PPP3R1: variants seen among roughly 807,000 people sequenced by gnomAD.
PPP3R1 encodes calcineurin subunit B type 1.
A neutral mutation model predicts 22.6 loss-of-function variants in PPP3R1; 5 were observed. The ratio of observed to expected loss-of-function variants is 0.22; its 90% CI spans 0.12 to 0.46. The LOEUF (loss-of-function observed/expected upper bound fraction) is 0.46. Ranked by LOEUF, PPP3R1 falls within the 20% of genes least tolerant of loss-of-function variation. PPP3R1 has a pLI of 0.99. For missense variants in PPP3R1, 61 were observed against 203.2 expected (o/e 0.30, Z 4.25); for synonymous variants, 56 against 65.2 (o/e 0.86, Z 0.68).
intron 2 of PPP3R1, among the ~76,000 whole-genome samples, chr2:68,190,561 C>T (rs959491855): frequency 4.6e-5 from 7 of 151,894 alleles, no homozygotes; most frequent in African/African-American, 7.3e-5. Context: ...AGGGAAACTC[C>T]GTCTCAAAAA....
intron 2 of PPP3R1, among the ~76,000 whole-genome samples, chr2:68,205,591 C>T (rs998255812): frequency 6.6e-6 from 1 of 152,100 alleles, no homozygotes; most frequent in Non-Finnish European, 1.5e-5. Flanking sequence ...AACATTATCA[C>T]ACCTAAAAAT....
chr2:68,187,124 T>C (rs1004970721), intron 4 of PPP3R1, 131 bp downstream of exon 4: 1 of 692,396 alleles, frequency 1.4e-6, no homozygotes, highest in Non-Finnish European at 2.3e-6. Flanking sequence ...TTCACCAGAA[T>C]GTAAAATTTC....
intron 2 of PPP3R1, among the ~76,000 whole-genome samples, chr2:68,215,366 A>G (rs1669560237): frequency 6.6e-6 from 1 of 152,184 alleles, no homozygotes. Flanking sequence ...TGGTCTCAAG[A>G]TTTTTGGATA....
intron 1 of PPP3R1, among the ~76,000 whole-genome samples, chr2:68,219,617 T>C (rs546801753): frequency 7.2e-5 from 11 of 152,222 alleles, no homozygotes; most frequent in Admixed American, 5.2e-4. Flanking sequence ...CTGGAAAAAA[T>C]AGCATTTCTG....
At chr2:68,235,510 T>G (rs1572975407) in intron 1 of PPP3R1, among the ~76,000 whole-genome samples, 1 of 152,182 alleles carries the variant, frequency 6.6e-6, no homozygotes, top group African/African-American at 2.4e-5. Context: ...ATTTTCAAGG[T>G]TAATCTAATG....
At chr2:68,229,963 T>TAC (rs1381204435) in intron 1 of PPP3R1, among the ~76,000 whole-genome samples, 66 of 68,284 alleles carry the variant, frequency 9.7e-4, no homozygotes, top group Non-Finnish European at 1.4e-3. Flanking sequence ...TGTGTGTATA[T>TAC]ATACACACAT....
intron 1 of PPP3R1, among the ~76,000 whole-genome samples, chr2:68,238,437 G>A (rs1670056949): frequency 6.6e-6 from 1 of 152,068 alleles, no homozygotes; most frequent in Non-Finnish European, 1.5e-5. Flanking sequence ...AGAGTACAAA[G>A]GCATCAATAA....
Position 68,180,831 on chromosome 2 carries a change from T to G in PPP3R1, c.*132A>C. On this transcript the variant is annotated 3_prime_UTR_variant, in exon 6 of 6. Coordinates refer to ENST00000234310, the MANE Select transcript of PPP3R1 (RefSeq NM_000945.4). Reference sequence around the variant, plus strand: ...CACTTAGTTGGCTTCATGAGGCTCATGTTGGAAAATGTGGCTTCACAGAGA... The same window carrying G: ...CACTTAGTTGGCTTCATGAGGCTCAGGTTGGAAAATGTGGCTTCACAGAGA... The G allele has an allele frequency of 1.1e-6, 1 of 870,408 alleles. No individual in the cohort carries two copies. Among genetic ancestry groups the G allele is most frequent in the Non-Finnish European group, 1.8e-6 (1 of 554,120 alleles). The allele number at this position is 870,408 out of a possible 1,614,324, so 53.9% of individuals were successfully genotyped here.
At chr2:68,203,203 T>C (rs1217377983) in intron 2 of PPP3R1, among the ~76,000 whole-genome samples, 1 of 152,108 alleles carries the variant, frequency 6.6e-6, no homozygotes, top group Non-Finnish European at 1.5e-5. Flanking sequence ...TGGTAAACTG[T>C]CTAAGAAACA....
intron 1 of PPP3R1, among the ~76,000 whole-genome samples, chr2:68,250,611 T>C (rs1239735152): frequency 6.6e-6 from 1 of 152,262 alleles, no homozygotes; most frequent in African/African-American, 2.4e-5. Flanking sequence ...AAAAAGATTA[T>C]ATGATGAATG....
chr2:68,187,237 G>T lies in PPP3R1; in HGVS notation c.280+18C>A. On this transcript the variant is annotated intron_variant, in intron 4 of 5. Coordinates refer to ENST00000234310, the MANE Select transcript of PPP3R1 (RefSeq NM_000945.4). ...ATGGTAGTATAAGAGAATGAAGTCA[G>T]TGAAGAAAAATACTTACACCTCAAT... The T allele has an allele frequency of 6.3e-7, 1 of 1,580,916 alleles. No individual in the cohort carries two copies. The highest frequency in any genetic ancestry group is 8.7e-7 in the Non-Finnish European group (1 of 1,153,882).
chr2:68,243,852 T>A (rs1181571937), intron 1 of PPP3R1, among the ~76,000 whole-genome samples: 1 of 151,874 alleles, frequency 6.6e-6, no homozygotes, highest in Non-Finnish European at 1.5e-5. Context: ...TTACGATCAA[T>A]CTTTTTAATA....
chr2:68,251,559 C>G (rs1346098521), intron 1 of PPP3R1, among the ~76,000 whole-genome samples: 1 of 152,142 alleles, frequency 6.6e-6, no homozygotes, highest in Non-Finnish European at 1.5e-5. Flanking sequence ...AACCGACGCT[C>G]GCAGGAGAGG....
intron 2 of PPP3R1, among the ~76,000 whole-genome samples, chr2:68,198,063 A>C (rs1209610714): frequency 1.8e-4 from 4 of 22,544 alleles, no homozygotes; most frequent in East Asian, 6.9e-4. Flanking sequence ...CACCTTTGGC[A>C]AAAAAAAAAA....
At chr2:68,237,046 G>A (rs1398942401) in intron 1 of PPP3R1, among the ~76,000 whole-genome samples, 4 of 152,028 alleles carry the variant, frequency 2.6e-5, no homozygotes, top group South Asian at 2.1e-4. Context: ...TAACTCTCTG[G>A]CTCTGAGCTT....
At chr2:68,196,643 ATACTT>A (rs1250704020) in intron 2 of PPP3R1, among the ~76,000 whole-genome samples, 1 of 152,188 alleles carries the variant, frequency 6.6e-6, no homozygotes, top group Admixed American at 6.5e-5. Flanking sequence ...GATTTCTTAC[ATACTT>A]TAAAGATTAT....
chr2:68,229,857 GGTGTGTGT>G (rs371523620), intron 1 of PPP3R1, among the ~76,000 whole-genome samples: 1 of 149,406 alleles, frequency 6.7e-6, no homozygotes, highest in Admixed American at 6.7e-5. Flanking sequence ...ATGTTTAATT[GGTGTGTGT>G]GTGTGTGTGT....
At chr2:68,210,583 C>T (rs1669458729) in intron 2 of PPP3R1, among the ~76,000 whole-genome samples, 2 of 152,160 alleles carry the variant, frequency 1.3e-5, no homozygotes, top group Admixed American at 1.3e-4. Flanking sequence ...AGTGTGCAGA[C>T]TACAGCATTC....
intron 1 of PPP3R1, among the ~76,000 whole-genome samples, chr2:68,242,175 T>C (rs1031769783): frequency 6.6e-6 from 1 of 152,144 alleles, no homozygotes; most frequent in Non-Finnish European, 1.5e-5. Flanking sequence ...ACGCGTGTAA[T>C]ACCAGCAATT....
Sources: gnomAD v4.1 joint callset for allele counts (sites outside exome capture counted in the v4.1 genomes callset) on GRCh38, gnomAD v4.1.1 for gene constraint, MANE v1.5 for transcripts, NCBI Gene and HGNC (gene_info 2026-07-23, HGNC 2026-07-21) for gene names.